Variants in ANKRD12 observed in about 807,000 individuals in gnomAD.
The protein encoded by ANKRD12 is ankyrin repeat domain-containing protein 12.
Under a neutral mutation model 183.4 loss-of-function variants are expected in ANKRD12, and 85 were observed. That is an observed-to-expected ratio of 0.46 (90% CI 0.39 to 0.56). ANKRD12 has a LOEUF of 0.56. Among genes scored for constraint, ANKRD12 ranks in the 20% least tolerant of loss-of-function variants. The pLI, the probability that ANKRD12 is intolerant of heterozygous loss-of-function variation, is 0.00. For missense variants in ANKRD12, 2,405 were observed against 2,357.1 expected (o/e 1.02, Z -0.42); for synonymous variants, 914 against 800.2 (o/e 1.14, Z -2.40).
rs57107347 is a variant in ANKRD12, at chr18:9,202,101, C to G, written c.236-2375C>G. On this transcript the variant is annotated intron_variant, in intron 3 of 12. Coordinates refer to ENST00000262126, the MANE Select transcript of ANKRD12 (RefSeq NM_015208.5). ...CCTCAGCCTCCCAGTGCTGGGATTA[C>G]AGGCGTGAGCAACCGCGCCCAGCCT... 9.2e-3 allele frequency among the ~76,000 whole-genome samples: 1,398 copies of G among 152,296 alleles called. 20 individuals are homozygous for G. The highest frequency in any genetic ancestry group is 0.032 in the African/African-American group (1,332 of 41,560).
At chr18:9,147,493 C>CA (rs1313413087) in intron 1 of ANKRD12, among the ~76,000 whole-genome samples, 1 of 152,062 alleles carries the variant, frequency 6.6e-6, no homozygotes, top group Non-Finnish European at 1.5e-5. Flanking sequence ...TTAAAAGGTA[C>CA]AAAAAATAGC....
intron 2 of ANKRD12, among the ~76,000 whole-genome samples, chr18:9,183,603 T>G (rs1286623883): frequency 6.6e-6 from 1 of 152,250 alleles, no homozygotes; most frequent in Non-Finnish European, 1.5e-5. Context: ...AATTATTAGT[T>G]CTAACAATTT....
intron 2 of ANKRD12, among the ~76,000 whole-genome samples, chr18:9,194,180 A>G (rs768615531): frequency 6.6e-6 from 1 of 152,154 alleles, no homozygotes; most frequent in African/African-American, 2.4e-5. Flanking sequence ...TGGCAGGACT[A>G]TTAAAACAGA....
At position 9,281,642 on chromosome 18, in the gene ANKRD12, CTT is replaced by C. The variant is rs1430077694; in HGVS notation, c.*517_*518del. On this transcript the variant is annotated 3_prime_UTR_variant, in exon 13 of 13. Coordinates refer to ENST00000262126, the MANE Select transcript of ANKRD12 (RefSeq NM_015208.5). ...TTAATATTGTCTTCCTTTTTAATAACTTATTTTATACATATTGTGCAGATGTA... is the reference window on the plus strand; with the variant it reads ...TTAATATTGTCTTCCTTTTTAATAACATTTTATACATATTGTGCAGATGTA... The C allele has an allele frequency of 6.6e-6, 1 of 152,554 alleles. No homozygotes were observed. Among genetic ancestry groups the C allele is most frequent in the South Asian group, 2.1e-4 (1 of 4,820 alleles). 9.5% of individuals were successfully genotyped at this position (152,554 alleles called of 1,614,324 possible).
At chr18:9,251,443 C>G (rs2038292920) in intron 8 of ANKRD12, among the ~76,000 whole-genome samples, 1 of 152,168 alleles carries the variant, frequency 6.6e-6, no homozygotes, top group Non-Finnish European at 1.5e-5. Context: ...CAAGAACTTT[C>G]AAATGTATTT....
At chr18:9,216,721 G>A (rs376119980) in intron 6 of ANKRD12, 37 bp from the exon 7 acceptor site, 52 of 1,601,196 alleles carry the variant, frequency 3.2e-5, no homozygotes, top group South Asian at 1.3e-4. Flanking sequence ...TTGAAGTAGC[G>A]CAAGTGAATC....
rs538407671 is a variant in ANKRD12, at chr18:9,226,567, T to TG, written c.943+4575dup. ...AATAATGACTAATGGCTGATAAACT[T>TG]GGGGGGGTGGATTTTTACTGAGAAG... On this transcript the variant is annotated intron_variant, in intron 8 of 12. Coordinates refer to ENST00000262126, the MANE Select transcript of ANKRD12 (RefSeq NM_015208.5). Among the ~76,000 whole-genome samples the TG allele has an allele frequency of 7.1e-3, 1,082 of 151,998 alleles. 6 individuals are homozygous for TG. Among genetic ancestry groups the TG allele is most frequent in the South Asian group, 0.031 (148 of 4,804 alleles).
chr18:9,253,151 TA>T (rs2145151409), intron 8 of ANKRD12, among the ~76,000 whole-genome samples: 1 of 152,300 alleles, frequency 6.6e-6, no homozygotes, highest in Non-Finnish European at 1.5e-5. Flanking sequence ...ATACAATGTG[TA>T]AAAAACCAAG....
At chr18:9,276,401 A>G (rs926330602) in intron 11 of ANKRD12, among the ~76,000 whole-genome samples, 25 of 152,180 alleles carry the variant, frequency 1.6e-4, no homozygotes, top group African/African-American at 5.6e-4. Context: ...TCAAGATTGA[A>G]CTAGATAGGT....
At chr18:9,272,573 G>A (rs953440736) in intron 10 of ANKRD12, among the ~76,000 whole-genome samples, 1 of 151,240 alleles carries the variant, frequency 6.6e-6, no homozygotes, top group Non-Finnish European at 1.5e-5. Flanking sequence ...AAAAAAAAAA[G>A]AAAAAAGAAA....
intron 1 of ANKRD12, among the ~76,000 whole-genome samples, chr18:9,172,522 A>T (rs569790241): frequency 6.6e-6 from 1 of 152,092 alleles, no homozygotes; most frequent in East Asian, 1.9e-4. Context: ...TGCTATTGAT[A>T]CTTGTGGTTG....
At chr18:9,222,130 G>T (rs2036455082) in intron 8 of ANKRD12, 131 bp downstream of exon 8, 13 of 1,099,260 alleles carry the variant, frequency 1.2e-5, no homozygotes, top group Middle Eastern at 3.1e-4. Context: ...ATAATGCTTA[G>T]CTAACTAGCT....
At chr18:9,243,685 T>C (rs1015658558) in intron 8 of ANKRD12, among the ~76,000 whole-genome samples, 1 of 152,078 alleles carries the variant, frequency 6.6e-6, no homozygotes, top group Non-Finnish European at 1.5e-5. Flanking sequence ...GACTAAAGAA[T>C]AGACTAGACA....
chr18:9,236,230 G>GA (rs34140633), intron 8 of ANKRD12, among the ~76,000 whole-genome samples: 1 of 152,104 alleles, frequency 6.6e-6, no homozygotes, highest in South Asian at 2.1e-4. Flanking sequence ...TAAAACTATA[G>GA]AAAAAATTGT....
rs1351981416 is a variant in ANKRD12, at chr18:9,255,684, T to C, written c.2417T>C (p.Ile806Thr). 5.0e-6 allele frequency: 8 copies of C among 1,591,226 alleles called. No homozygotes were observed. The highest frequency in any genetic ancestry group is 6.0e-6 in the Non-Finnish European group (7 of 1,173,908). The change falls in exon 9 of 13, where the codon ATA (isoleucine) becomes ACA (threonine). Residue 806 changes from isoleucine to threonine, a missense_variant. Ile to Thr is a moderately conservative substitution (Grantham distance 89). Transcript: ENST00000262126. ...GGGCTTCATTTAGTGGAAAAGGAAATAGACATTGAAAAACAAGAAAAGCAT... is the reference window on the plus strand; with the variant it reads ...GGGCTTCATTTAGTGGAAAAGGAAACAGACATTGAAAAACAAGAAAAGCAT... ...SIGLHLVEKE[I>T]DIEKQEKHIK...
intron 3 of ANKRD12, among the ~76,000 whole-genome samples, chr18:9,201,301 T>C (rs890056503): frequency 2.0e-5 from 3 of 152,224 alleles, no homozygotes; most frequent in Non-Finnish European, 4.4e-5. Context: ...CACAAAATCA[T>C]ACTTAATTTC....
chr18:9,181,965 T>A (rs143614407), intron 1 of ANKRD12, among the ~76,000 whole-genome samples: 1 of 152,264 alleles, frequency 6.6e-6, no homozygotes, highest in South Asian at 2.1e-4. Flanking sequence ...GGATTTAATG[T>A]AGGGAATTAG....
intron 4 of ANKRD12, 115 bp from the exon 5 acceptor site, chr18:9,208,542 A>G (rs1276915105): frequency 5.0e-6 from 4 of 808,032 alleles, no homozygotes; most frequent in Non-Finnish European, 7.3e-6. Flanking sequence ...ACTAGTTCAT[A>G]TATTGTACAC....
At chr18:9,245,516 C>T (rs959217355) in intron 8 of ANKRD12, among the ~76,000 whole-genome samples, 4 of 152,052 alleles carry the variant, frequency 2.6e-5, no homozygotes, top group African/African-American at 9.7e-5. Flanking sequence ...AAGGTCAAGG[C>T]ATGACTTTTT....
Sources: gnomAD v4.1 joint callset for allele counts (sites outside exome capture counted in the v4.1 genomes callset) on GRCh38, gnomAD v4.1.1 for gene constraint, MANE v1.5 for transcripts, NCBI Gene and HGNC (gene_info 2026-07-23, HGNC 2026-07-21) for gene names.